STK32B: variants seen among roughly 807,000 people sequenced by gnomAD.
STK32B encodes the protein serine/threonine kinase 32B.
In STK32B, 43 loss-of-function variants were observed where a neutral mutation model predicts 52.6. The observed-to-expected ratio is 0.82, with a 90% CI of 0.64 to 1.05. The LOEUF is 1.05. STK32B is among the 50% of genes least tolerant of loss of function. The pLI is 0.00. For missense variants in STK32B, 621 were observed against 534.6 expected (o/e 1.16, Z -1.59); for synonymous variants, 238 against 204.3 (o/e 1.17, Z -1.41).
chr4:5,431,731 G>A (rs1417911612), intron 6 of STK32B, among the ~76,000 whole-genome samples: 1 of 152,112 alleles, frequency 6.6e-6, no homozygotes, highest in Non-Finnish European at 1.5e-5. Context: ...GCTTTCTATT[G>A]CTAGCAATGC....
At position 5,359,863 on chromosome 4, in the gene STK32B, A is replaced by G. The variant is rs150464781; in HGVS notation, c.434+28470A>G. Among the ~76,000 whole-genome samples the G allele has an allele frequency of 7.7e-3, 1,178 of 152,326 alleles. 11 individuals carry two copies. Among genetic ancestry groups the G allele is most frequent in the Non-Finnish European group, 0.011 (779 of 68,032 alleles). Reference sequence around the variant, plus strand: ...GCCAGGCCAGGGGGAAAGGTGAGACATGAGGTAATAGGGACTTATCAGCCT... The same window carrying G: ...GCCAGGCCAGGGGGAAAGGTGAGACGTGAGGTAATAGGGACTTATCAGCCT... On this transcript the variant is annotated intron_variant, in intron 4 of 11. Coordinates refer to ENST00000282908, the MANE Select transcript of STK32B (RefSeq NM_018401.3).
At position 5,051,686 on chromosome 4, in the gene STK32B, C is replaced by T. The variant is rs1295442391; in HGVS notation, c.-178C>T. On this transcript the variant is annotated 5_prime_UTR_variant, in exon 1 of 12. Coordinates refer to ENST00000282908, the MANE Select transcript of STK32B (RefSeq NM_018401.3). Reference sequence around the variant, plus strand: ...CCTGCGAGCGCAGTCGGAAGGGCGTCCAGGAGAAGGGGGACGCCGTCCCCG... The same window carrying T: ...CCTGCGAGCGCAGTCGGAAGGGCGTTCAGGAGAAGGGGGACGCCGTCCCCG... The T allele has an allele frequency of 4.2e-6, 3 of 710,324 alleles. No individual in the cohort carries two copies. Among genetic ancestry groups the T allele is most frequent in the Non-Finnish European group, 4.4e-6 (2 of 455,304 alleles). 44.0% of individuals were successfully genotyped at this position (710,324 alleles called of 1,614,324 possible). A position where few individuals can be genotyped will look rare whatever the true frequency, so the allele number is the denominator to read the frequency against.
At chr4:5,231,301 G>A (rs1724250671) in intron 3 of STK32B, among the ~76,000 whole-genome samples, 1 of 152,060 alleles carries the variant, frequency 6.6e-6, no homozygotes, top group African/African-American at 2.4e-5. Context: ...CCAAATGAAT[G>A]GATGGACTTG....
intron 1 of STK32B, 115 bp downstream of exon 1, chr4:5,052,030 C>T: frequency 2.1e-6 from 3 of 1,449,520 alleles, no homozygotes; most frequent in Non-Finnish European, 1.9e-6. Context: ...CCAGGCATGG[C>T]CACTTCGCCC....
Position 5,499,239 on chromosome 4 carries a change from C to G in STK32B, c.*156C>G, listed in dbSNP as rs766352554. The stretch of plus-strand genomic sequence containing the variant: ...AGCTGGGAAGCCTGGGTTCTGGTCC[C>G]ATCTCCATGACTGATTCACGTGTGA... On this transcript the variant is annotated 3_prime_UTR_variant, in exon 12 of 12. Transcript: ENST00000282908. The G allele has an allele frequency of 1.9e-6, 2 of 1,071,982 alleles. No homozygotes were observed. The highest frequency in any genetic ancestry group is 2.6e-6 in the Non-Finnish European group (2 of 782,514). 66.4% of individuals were successfully genotyped at this position (1,071,982 alleles called of 1,614,324 possible). A position where few individuals can be genotyped will look rare whatever the true frequency, so the allele number is the denominator to read the frequency against.
At chr4:5,403,475 G>A (rs1737451035) in intron 5 of STK32B, among the ~76,000 whole-genome samples, 1 of 152,094 alleles carries the variant, frequency 6.6e-6, no homozygotes, top group Admixed American at 6.5e-5. Context: ...TGTCTCCCCT[G>A]CCCATGACAT....
At chr4:5,364,530 A>T (rs1734750009) in intron 4 of STK32B, among the ~76,000 whole-genome samples, 1 of 152,202 alleles carries the variant, frequency 6.6e-6, no homozygotes, top group Non-Finnish European at 1.5e-5. Flanking sequence ...CCAACCCAAG[A>T]GAAGACTCTG....
At chr4:5,080,842 A>G (rs1416030360) in intron 1 of STK32B, among the ~76,000 whole-genome samples, 4 of 152,202 alleles carry the variant, frequency 2.6e-5, no homozygotes, top group Admixed American at 1.3e-4. Context: ...AGCCTACAAT[A>G]CATTATTAGT....
At chr4:5,323,405 C>A (rs1258400079) in intron 3 of STK32B, among the ~76,000 whole-genome samples, 2 of 152,140 alleles carry the variant, frequency 1.3e-5, no homozygotes, top group African/African-American at 4.8e-5. Context: ...GTGCTGAGCA[C>A]GGCTGCTTCT....
intron 6 of STK32B, among the ~76,000 whole-genome samples, chr4:5,444,278 G>A (rs1715140740): frequency 6.6e-6 from 1 of 152,238 alleles, no homozygotes; most frequent in African/African-American, 2.4e-5. Flanking sequence ...GACCCTCCAA[G>A]TCAGGTGCGG....
At chr4:5,223,374 C>T (rs1446368246) in intron 3 of STK32B, among the ~76,000 whole-genome samples, 2 of 152,178 alleles carry the variant, frequency 1.3e-5, no homozygotes, top group East Asian at 3.9e-4. Flanking sequence ...AGCCCCACAC[C>T]TGTAGAACCA....
chr4:5,341,600 A>C (rs1733080080), intron 4 of STK32B, among the ~76,000 whole-genome samples: 1 of 152,228 alleles, frequency 6.6e-6, no homozygotes, highest in Non-Finnish European at 1.5e-5. Context: ...AATTTGCTAT[A>C]TTAGGCTGTT....
At chr4:5,065,656 C>G (rs1742393131) in intron 1 of STK32B, among the ~76,000 whole-genome samples, 1 of 152,210 alleles carries the variant, frequency 6.6e-6, no homozygotes, top group Non-Finnish European at 1.5e-5. Context: ...TCCAACATCA[C>G]AAATTTGATT....
At chr4:5,354,481 G>T (rs1734047010) in intron 4 of STK32B, among the ~76,000 whole-genome samples, 1 of 152,206 alleles carries the variant, frequency 6.6e-6, no homozygotes, top group Non-Finnish European at 1.5e-5. Flanking sequence ...GGCCAGGCTG[G>T]TCTCAAACTC....
intron 3 of STK32B, among the ~76,000 whole-genome samples, chr4:5,262,888 A>C (rs1342944314): frequency 6.6e-6 from 1 of 152,122 alleles, no homozygotes; most frequent in Non-Finnish European, 1.5e-5. Context: ...TTTTCACAGT[A>C]AACATTTATT....
intron 1 of STK32B, among the ~76,000 whole-genome samples, chr4:5,119,159 T>G (rs1463095341): frequency 6.6e-6 from 1 of 152,200 alleles, no homozygotes; most frequent in African/African-American, 2.4e-5. Context: ...GGCTGCAGGC[T>G]CTCCTGATGG....
At chr4:5,338,424 A>G (rs1386405655) in intron 4 of STK32B, among the ~76,000 whole-genome samples, 2 of 152,204 alleles carry the variant, frequency 1.3e-5, no homozygotes, top group Non-Finnish European at 2.9e-5. Flanking sequence ...AGGGTAGAGT[A>G]TGCTTCTGTT....
At chr4:5,360,614 A>G (rs538821286) in intron 4 of STK32B, among the ~76,000 whole-genome samples, 16 of 152,272 alleles carry the variant, frequency 1.1e-4, no homozygotes, top group African/African-American at 2.9e-4. Context: ...CTGGGAGAGA[A>G]TGAAGCTGGA....
intron 3 of STK32B, among the ~76,000 whole-genome samples, chr4:5,300,907 CTATT>C (rs1729510086): frequency 6.6e-6 from 1 of 151,998 alleles, no homozygotes; most frequent in Non-Finnish European, 1.5e-5. Context: ...TAAATTACCC[CTATT>C]TATTAAATTA....
Sources: gnomAD v4.1 joint callset for allele counts (sites outside exome capture counted in the v4.1 genomes callset) on GRCh38, gnomAD v4.1.1 for gene constraint, MANE v1.5 for transcripts, NCBI Gene and HGNC (gene_info 2026-07-23, HGNC 2026-07-21) for gene names.